The following HYCC2 variants were observed in gnomAD, a reference collection of about 807,000 sequenced individuals.
The protein encoded by HYCC2 is hyccin 2.
At chr2:201,063,795 G>T in the HYCC2 span, 6 of 1,591,194 alleles carry the variant, frequency 3.8e-6, no homozygotes, top group Non-Finnish European at 5.1e-6. Flanking sequence ...GGTGGTGGTG[G>T]ATATGATGGC....
the HYCC2 span, among the ~76,000 whole-genome samples, chr2:201,026,991 CA>C: frequency 6.6e-6 from 1 of 151,994 alleles, no homozygotes; most frequent in Non-Finnish European, 1.5e-5. Flanking sequence ...GATAGAGACA[CA>C]AAAAACCCTT....
chr2:201,055,385 A>G, the HYCC2 span, among the ~76,000 whole-genome samples: 2 of 148,984 alleles, frequency 1.3e-5, no homozygotes, highest in African/African-American at 4.9e-5. Context: ...TCCATCTCGA[A>G]AAAAAAAAAA....
chr2:200,988,094 C>T, the HYCC2 span, among the ~76,000 whole-genome samples: 1 of 152,088 alleles, frequency 6.6e-6, no homozygotes, highest in African/African-American at 2.4e-5. Context: ...TTTATAAATA[C>T]ATATTAAAAT....
the HYCC2 span, among the ~76,000 whole-genome samples, chr2:200,995,617 C>A: frequency 6.6e-6 from 1 of 152,164 alleles, no homozygotes; most frequent in African/African-American, 2.4e-5. Flanking sequence ...TGGCTTCCAG[C>A]ACACAGCTAC....
the HYCC2 span, among the ~76,000 whole-genome samples, chr2:201,037,140 C>T: frequency 6.6e-6 from 1 of 152,164 alleles, no homozygotes; most frequent in South Asian, 2.1e-4. Context: ...AACTCCCATT[C>T]ACAATTGCTT....
the HYCC2 span, among the ~76,000 whole-genome samples, chr2:200,997,894 G>A: frequency 3.3e-5 from 5 of 152,256 alleles, no homozygotes; most frequent in East Asian, 5.8e-4. Flanking sequence ...AAATTAGGCA[G>A]GTGTGGTGGC....
the HYCC2 span, among the ~76,000 whole-genome samples, chr2:201,053,459 G>A: frequency 3.9e-5 from 6 of 152,154 alleles, no homozygotes; most frequent in Non-Finnish European, 8.8e-5. Context: ...ACTATCCCAC[G>A]TAATGCAAAG....
At chr2:201,034,454 G>C in the HYCC2 span, among the ~76,000 whole-genome samples, 3 of 151,952 alleles carry the variant, frequency 2.0e-5, no homozygotes, top group African/African-American at 7.3e-5. Flanking sequence ...TTTTCCATTT[G>C]CTGGGTAGAT....
the HYCC2 span, among the ~76,000 whole-genome samples, chr2:201,049,303 T>C: frequency 1.3e-5 from 2 of 152,108 alleles, no homozygotes; most frequent in East Asian, 1.9e-4. Flanking sequence ...AAATGACTAA[T>C]ACAGAACACT....
the HYCC2 span, among the ~76,000 whole-genome samples, chr2:201,033,149 ATGTGTGTGTATG>A: frequency 2.6e-5 from 3 of 114,756 alleles, no homozygotes; most frequent in African/African-American, 6.9e-5. Context: ...AGCTATTTGT[ATGTGTGTGTATG>A]TGTGTGTGTG....
At chr2:201,068,917 A>T in the HYCC2 span, among the ~76,000 whole-genome samples, 1 of 152,046 alleles carries the variant, frequency 6.6e-6, no homozygotes, top group African/African-American at 2.4e-5. Context: ...CAATTCTGGA[A>T]ATCAAAAAAA....
chr2:201,026,991 C>CA, the HYCC2 span, among the ~76,000 whole-genome samples: 1 of 151,994 alleles, frequency 6.6e-6, no homozygotes, highest in African/African-American at 2.4e-5. Context: ...GATAGAGACA[C>CA]AAAAAACCCT....
At chr2:201,059,139 T>A in the HYCC2 span, among the ~76,000 whole-genome samples, 4 of 152,342 alleles carry the variant, frequency 2.6e-5, no homozygotes, top group Admixed American at 6.5e-5. Context: ...TGACTGGAAC[T>A]ATACAGTCAG....
At chr2:201,007,431 C>T in the HYCC2 span, among the ~76,000 whole-genome samples, 1 of 152,126 alleles carries the variant, frequency 6.6e-6, no homozygotes, top group Non-Finnish European at 1.5e-5. Context: ...TTACTGAATA[C>T]TGTACTGAAA....
chr2:201,015,628 T>C, the HYCC2 span, among the ~76,000 whole-genome samples: 15 of 152,210 alleles, frequency 9.9e-5, no homozygotes, highest in African/African-American at 4.8e-5. Flanking sequence ...TTTCCTAATA[T>C]ATAATACAAT....
chr2:201,019,756 T>TA, the HYCC2 span, among the ~76,000 whole-genome samples: 4,397 of 140,494 alleles, frequency 0.031, 222 homozygotes, highest in African/African-American at 0.11. Flanking sequence ...GGCCCTGTCT[T>TA]AAAAAAAAAA....
chr2:201,000,075 A>AG, the HYCC2 span, among the ~76,000 whole-genome samples: 120 of 149,744 alleles, frequency 8.0e-4, no homozygotes, highest in African/African-American at 2.7e-3. Context: ...AAAAAAAAAA[A>AG]AAAAAGAAAT....
the HYCC2 span, chr2:200,981,149 TA>T: frequency 8.2e-7 from 1 of 1,222,622 alleles, no homozygotes; most frequent in Non-Finnish European, 1.2e-6. The surrounding 1 kb of genome is among the most constrained non-coding windows in gnomAD (Gnocchi z 4.5). Flanking sequence ...TGAAGATACC[TA>T]AACTAAATGA....
At chr2:201,062,376 C>T in the HYCC2 span, among the ~76,000 whole-genome samples, 9 of 151,800 alleles carry the variant, frequency 5.9e-5, no homozygotes, top group Non-Finnish European at 1.0e-4. Context: ...AGGCCGGGCG[C>T]GGTGGCTCAC....
Sources: allele counts gnomAD v4.1 joint callset (sites outside exome capture counted in the v4.1 genomes callset), GRCh38; gene constraint gnomAD v4.1.1; non-coding constraint Gnocchi (gnomAD v3.1); transcripts MANE v1.5; gene names NCBI Gene and HGNC (gene_info 2026-07-23, HGNC 2026-07-21).